The following BRINP3 variants were observed in gnomAD, a reference collection of about 807,000 sequenced individuals.
BRINP3 encodes BMP/retinoic acid-inducible neural-specific protein 3.
BRINP3 carries 19 observed loss-of-function variants against 71.0 expected under a neutral mutation model. The ratio of observed to expected loss-of-function variants is 0.27; its 90% CI spans 0.19 to 0.39. The LOEUF is 0.39. Ranked by LOEUF, BRINP3 falls within the 10% of genes least tolerant of loss-of-function variation. The pLI is 1.00. For missense variants in BRINP3, 959 were observed against 940.8 expected, an observed-to-expected ratio of 1.02 and a Z score of -0.25; for synonymous variants, 380 against 337.7, an observed-to-expected ratio of 1.13 and a Z score of -1.37.
At chr1:190,290,317 T>G (rs1339159868) in intron 2 of BRINP3, among the ~76,000 whole-genome samples, 1 of 152,118 alleles carries the variant, frequency 6.6e-6, no homozygotes, top group African/African-American at 2.4e-5. Context: ...TGTATAGTTG[T>G]GGTACTCCAA....
At chr1:190,158,501 C>T (rs1157104380) in intron 7 of BRINP3, among the ~76,000 whole-genome samples, 1 of 152,030 alleles carries the variant, frequency 6.6e-6, no homozygotes, top group South Asian at 2.1e-4. Context: ...TTGAAAACCA[C>T]TGGGTACTAT....
At chr1:190,355,599 G>A (rs1031001632) in intron 2 of BRINP3, among the ~76,000 whole-genome samples, 5 of 151,766 alleles carry the variant, frequency 3.3e-5, no homozygotes, top group African/African-American at 1.2e-4. Context: ...ATTAAGTTAT[G>A]AAAATTTTTC....
At chr1:190,235,568 G>A (rs754134801) in intron 4 of BRINP3, among the ~76,000 whole-genome samples, 70 of 151,888 alleles carry the variant, frequency 4.6e-4, no homozygotes, top group Non-Finnish European at 8.7e-4. Flanking sequence ...ACCCAGCTCC[G>A]TGTTACCTCC....
At chr1:190,177,587 C>T (rs183059127) in intron 6 of BRINP3, among the ~76,000 whole-genome samples, 1 of 151,904 alleles carries the variant, frequency 6.6e-6, no homozygotes, top group Admixed American at 6.6e-5. Flanking sequence ...AAATAGTTTA[C>T]CAAATTATTG....
chr1:190,116,415 T>C (rs912656141), intron 7 of BRINP3, among the ~76,000 whole-genome samples: 3 of 152,082 alleles, frequency 2.0e-5, no homozygotes, highest in African/African-American at 7.2e-5. Flanking sequence ...CAAAGTGGTA[T>C]GTCAACATTA....
intron 2 of BRINP3, among the ~76,000 whole-genome samples, chr1:190,338,762 T>A (rs948722666): frequency 6.6e-6 from 1 of 151,904 alleles, no homozygotes; most frequent in Non-Finnish European, 1.5e-5. Flanking sequence ...TGACAGTTGA[T>A]CACATTTTAA....
At chr1:190,195,172 T>C (rs565131589) in intron 6 of BRINP3, among the ~76,000 whole-genome samples, 4 of 152,100 alleles carry the variant, frequency 2.6e-5, no homozygotes, top group Admixed American at 1.3e-4. Context: ...TCAGTGTAAA[T>C]GTGGTTAAGG....
At chr1:190,278,750 G>A (rs1178506403) in intron 3 of BRINP3, among the ~76,000 whole-genome samples, 1 of 151,214 alleles carries the variant, frequency 6.6e-6, no homozygotes, top group African/African-American at 2.4e-5. Context: ...GGCAATACTT[G>A]AACAAAACTT....
intron 2 of BRINP3, among the ~76,000 whole-genome samples, chr1:190,369,387 C>G (rs1669713108): frequency 6.6e-6 from 1 of 151,560 alleles, no homozygotes; most frequent in African/African-American, 2.4e-5. Flanking sequence ...CATTTTAAAA[C>G]CAGAATTAAT....
At chr1:190,194,256 G>A (rs1654290972) in intron 6 of BRINP3, among the ~76,000 whole-genome samples, 1 of 152,064 alleles carries the variant, frequency 6.6e-6, no homozygotes, top group African/African-American at 2.4e-5. Context: ...CCAAAAGCTG[G>A]AAGAAGCAAG....
At chr1:190,387,411 G>A (rs542349763) in intron 2 of BRINP3, among the ~76,000 whole-genome samples, 27 of 152,006 alleles carry the variant, frequency 1.8e-4, no homozygotes, top group Non-Finnish European at 3.5e-4. Context: ...GAGTTATAGT[G>A]TGTTTATCAT....
At chr1:190,107,574 T>A (rs568208042) in intron 7 of BRINP3, among the ~76,000 whole-genome samples, 15 of 152,166 alleles carry the variant, frequency 9.9e-5, no homozygotes, top group African/African-American at 3.4e-4. Flanking sequence ...TATAGTGTTG[T>A]ATAATAGATT....
chr1:190,177,586 A>T (rs1340774333), intron 6 of BRINP3, among the ~76,000 whole-genome samples: 1 of 152,142 alleles, frequency 6.6e-6, no homozygotes, highest in African/African-American at 2.4e-5. Flanking sequence ...AAAATAGTTT[A>T]CCAAATTATT....
intron 6 of BRINP3, among the ~76,000 whole-genome samples, chr1:190,210,145 C>T (rs1003299118): frequency 9.2e-5 from 14 of 152,174 alleles, no homozygotes; most frequent in South Asian, 2.1e-4. Context: ...CTTGTCATGG[C>T]TTCTAAGAGT....
chr1:190,238,753 A>G (rs955418517), intron 4 of BRINP3, among the ~76,000 whole-genome samples: 1 of 152,158 alleles, frequency 6.6e-6, no homozygotes, highest in Non-Finnish European at 1.5e-5. Flanking sequence ...ACACAGGCAC[A>G]TTATATGAGC....
chr1:190,436,639 AAAATT>A (rs931139174), intron 2 of BRINP3, among the ~76,000 whole-genome samples: 4 of 152,042 alleles, frequency 2.6e-5, no homozygotes, highest in African/African-American at 9.6e-5. Flanking sequence ...ATTCTTAAAT[AAAATT>A]ATCTGAATAA....
At chr1:190,140,817 G>T (rs953769671) in intron 7 of BRINP3, among the ~76,000 whole-genome samples, 2 of 152,144 alleles carry the variant, frequency 1.3e-5, no homozygotes, top group Non-Finnish European at 2.9e-5. Flanking sequence ...ATAGTGTAAA[G>T]CTATTCATGC....
At chr1:190,442,953 C>G (rs1248417675) in intron 2 of BRINP3, among the ~76,000 whole-genome samples, 5 of 146,742 alleles carry the variant, frequency 3.4e-5, no homozygotes, top group African/African-American at 1.3e-4. Flanking sequence ...CTTTTGTTGC[C>G]CAAGGCTGGA....
intron 1 of BRINP3, among the ~76,000 whole-genome samples, chr1:190,456,843 A>G (rs535191177): frequency 6.6e-6 from 1 of 152,218 alleles, no homozygotes; most frequent in African/African-American, 2.4e-5. Context: ...TCAAACCACT[A>G]CTCAAGTCCA....
Sources: gnomAD v4.1 joint callset for allele counts (sites outside exome capture counted in the v4.1 genomes callset) on GRCh38, gnomAD v4.1.1 for gene constraint, MANE v1.5 for transcripts, NCBI Gene and HGNC (gene_info 2026-07-23, HGNC 2026-07-21) for gene names.